Variants in PLCE1 observed in about 807,000 individuals in gnomAD.
PLCE1 encodes 1-phosphatidylinositol 4,5-bisphosphate phosphodiesterase epsilon-1.
A neutral mutation model predicts 242.8 loss-of-function variants in PLCE1; 119 were observed. The observed-to-expected ratio is 0.49, with a 90% CI of 0.42 to 0.57. PLCE1 has a LOEUF of 0.57. Among genes scored for constraint, PLCE1 ranks in the 20% least tolerant of loss-of-function variants. The probability of loss-of-function intolerance (pLI) is 0.00; values close to 1 mark genes in which losing one functional copy is unlikely to be tolerated. For synonymous variants in PLCE1, 945 were observed against 1,017.4 expected (o/e 0.93, Z 1.35); for missense variants, 2,441 against 2,788.8 (o/e 0.88, Z 2.81).
At chr10:94,037,157 C>T (rs1429228277) in intron 2 of PLCE1, among the ~76,000 whole-genome samples, 1 of 152,110 alleles carries the variant, frequency 6.6e-6, no homozygotes, top group East Asian at 1.9e-4. Context: ...CTCTCAAGAA[C>T]AGAAAATTAA....
chr10:94,164,385 G>A (rs576315741), intron 3 of PLCE1, among the ~76,000 whole-genome samples: 12 of 152,054 alleles, frequency 7.9e-5, no homozygotes, highest in African/African-American at 1.7e-4. Context: ...TTCTCTTCTC[G>A]CTTGATTTCA....
At chr10:94,108,941 T>C (rs2045856443) in intron 2 of PLCE1, 1 of 152,284 alleles carries the variant, frequency 6.6e-6, no homozygotes, top group African/African-American at 2.4e-5. Context: ...TGTCGTTTCA[T>C]ATTTGATAGA....
In PLCE1 at chr10:94,130,293, A is replaced by G. The variant is rs149130953; in HGVS notation, c.1207-1881A>G. Among the ~76,000 whole-genome samples the G allele has an allele frequency of 1.3e-3, 201 of 152,348 alleles. 2 individuals are homozygous for G. Among genetic ancestry groups the G allele is most frequent in the African/African-American group, 4.0e-3 (165 of 41,576 alleles). Reference sequence around the variant, plus strand: ...CACAGAAGAGCAAGGGCATAACTCCAATCACATTGCATTTCATAGATTGTG... The same window carrying G: ...CACAGAAGAGCAAGGGCATAACTCCGATCACATTGCATTTCATAGATTGTG... On this transcript the variant is annotated intron_variant, in intron 2 of 32. Coordinates refer to ENST00000371380, the MANE Select transcript of PLCE1 (RefSeq NM_016341.4).
intron 7 of PLCE1, among the ~76,000 whole-genome samples, chr10:94,239,092 C>A (rs948567617): frequency 1.6e-4 from 25 of 152,134 alleles, no homozygotes; most frequent in Non-Finnish European, 3.2e-4. Context: ...ATAAATTAAG[C>A]AAATTGCACG....
At chr10:94,204,890 C>T (rs893696187) in intron 4 of PLCE1, among the ~76,000 whole-genome samples, 11 of 151,914 alleles carry the variant, frequency 7.2e-5, no homozygotes, top group Admixed American at 2.0e-4. Flanking sequence ...TCCTTTTGAC[C>T]ATATTTTATA....
chr10:94,165,444 A>G (rs2047766039), intron 3 of PLCE1, among the ~76,000 whole-genome samples: 2 of 152,176 alleles, frequency 1.3e-5, no homozygotes, highest in South Asian at 2.1e-4. Flanking sequence ...GTGGGATACA[A>G]TCTCCTGGTG....
intron 2 of PLCE1, among the ~76,000 whole-genome samples, chr10:94,044,546 G>T (rs2061840259): frequency 6.6e-6 from 1 of 152,204 alleles, no homozygotes; most frequent in South Asian, 2.1e-4. Context: ...AGACTTGGCC[G>T]TTGCTTCACA....
In PLCE1 at chr10:94,048,684, T is replaced by C. The variant is rs1589915886; in HGVS notation, c.1206+16432T>C. 2.1e-5 allele frequency among the ~76,000 whole-genome samples: 3 copies of C among 145,578 alleles called. No individual in the cohort carries two copies. In the South Asian group the frequency reaches 6.4e-4, roughly 31 times the overall value. On this transcript the variant is annotated intron_variant, in intron 2 of 32. Coordinates refer to ENST00000371380, the MANE Select transcript of PLCE1 (RefSeq NM_016341.4). Reference sequence around the variant, plus strand: ...CATATATACATATATATTTAATATATTTATAAATAATATAAATATATATTA... The same window carrying C: ...CATATATACATATATATTTAATATACTTATAAATAATATAAATATATATTA...
chr10:94,020,220 G>A (rs923638339), intron 1 of PLCE1, among the ~76,000 whole-genome samples: 1 of 152,124 alleles, frequency 6.6e-6, no homozygotes, highest in African/African-American at 2.4e-5. Context: ...CTATCTCATT[G>A]TGATTTTAAT....
rs142469526 is a variant in PLCE1, at chr10:94,011,795, G to A, written c.-365+17537G>A. ...TTTTTTCTATGTGCATGGGATTGAG[G>A]CAGCTCCAGTGTAAAACAGAGAAAA... On this transcript the variant is annotated intron_variant, in intron 1 of 32. Coordinates refer to ENST00000371380, the MANE Select transcript of PLCE1 (RefSeq NM_016341.4). Among the ~76,000 whole-genome samples the A allele has an allele frequency of 5.3e-3, 806 of 152,164 alleles. 3 individuals carry two copies. Among genetic ancestry groups the A allele is most frequent in the African/African-American group, 0.018 (755 of 41,508 alleles).
intron 23 of PLCE1, among the ~76,000 whole-genome samples, chr10:94,296,751 G>T (rs1179582695): frequency 6.6e-6 from 1 of 152,164 alleles, no homozygotes; most frequent in Non-Finnish European, 1.5e-5. Flanking sequence ...TTTCCTTCAA[G>T]AACTTTTCCT....
At chr10:94,252,521 A>G in intron 9 of PLCE1, 23 bp downstream of exon 9, 2 of 1,592,580 alleles carry the variant, frequency 1.3e-6, no homozygotes, top group Non-Finnish European at 8.6e-7. Flanking sequence ...TTGTTTATTA[A>G]GCATTAAACC....
intron 25 of PLCE1, 56 bp downstream of exon 25, chr10:94,304,701 C>T (rs779039005): frequency 3.3e-4 from 520 of 1,557,630 alleles, no homozygotes; most frequent in Non-Finnish European, 4.0e-4. Context: ...TTCCTGAAAA[C>T]GAACTGGTTT....
chr10:94,172,287 C>G (rs1045664967), intron 4 of PLCE1, among the ~76,000 whole-genome samples: 12 of 152,154 alleles, frequency 7.9e-5, no homozygotes, highest in African/African-American at 2.7e-4. Flanking sequence ...GGCACTTTCT[C>G]TTAGTAATGT....
At chr10:94,273,132 C>T (rs556435978) in intron 18 of PLCE1, among the ~76,000 whole-genome samples, 1 of 152,310 alleles carries the variant, frequency 6.6e-6, no homozygotes, top group East Asian at 1.9e-4. Context: ...GTCTGTGGTT[C>T]TTTACACTAT....
chr10:94,026,362 A>C (rs975764483), intron 1 of PLCE1, among the ~76,000 whole-genome samples: 2 of 152,144 alleles, frequency 1.3e-5, no homozygotes, highest in African/African-American at 4.8e-5. Flanking sequence ...TTGTTCTGCC[A>C]TATTTTTAGC....
intron 3 of PLCE1, among the ~76,000 whole-genome samples, chr10:94,146,690 G>C (rs940066006): frequency 1.3e-5 from 2 of 152,234 alleles, no homozygotes; most frequent in South Asian, 4.1e-4. Flanking sequence ...AAGGCTGGAG[G>C]CCTCAAGGGT....
intron 2 of PLCE1, among the ~76,000 whole-genome samples, chr10:94,036,450 A>G (rs189629731): frequency 6.6e-6 from 1 of 152,206 alleles, no homozygotes; most frequent in Admixed American, 6.5e-5. Flanking sequence ...TTTCTTGGAT[A>G]CCTTGGTCAG....
intron 4 of PLCE1, among the ~76,000 whole-genome samples, chr10:94,200,096 T>C (rs1564782748): frequency 6.6e-6 from 1 of 152,204 alleles, no homozygotes; most frequent in Non-Finnish European, 1.5e-5. Flanking sequence ...TATAGAAATA[T>C]CTATAGATAC....
Sources: allele counts gnomAD v4.1 joint callset (sites outside exome capture counted in the v4.1 genomes callset), GRCh38; gene constraint gnomAD v4.1.1; transcripts MANE v1.5; gene names NCBI Gene and HGNC (gene_info 2026-07-23, HGNC 2026-07-21).